Variants in CLSTN2 observed in about 807,000 individuals in gnomAD.
CLSTN2 encodes calsyntenin 2.
CLSTN2 carries 48 observed loss-of-function variants against 101.2 expected under a neutral mutation model. That is an observed-to-expected ratio of 0.47 (90% CI 0.38 to 0.60). CLSTN2 has a LOEUF of 0.60. Ranked by LOEUF, CLSTN2 falls within the 20% of genes least tolerant of loss-of-function variation. CLSTN2 has a pLI of 0.00. For missense variants in CLSTN2, 1,160 were observed against 1,238.2 expected, an observed-to-expected ratio of 0.94 and a Z score of 0.95; for synonymous variants, 481 against 463.6, an observed-to-expected ratio of 1.04 and a Z score of -0.48.
At chr3:140,305,611 T>G (rs997812033) in intron 2 of CLSTN2, among the ~76,000 whole-genome samples, 2 of 152,172 alleles carry the variant, frequency 1.3e-5, no homozygotes, top group African/African-American at 4.8e-5. Context: ...CTTTCCATCC[T>G]GGACAGCCAT....
intron 10 of CLSTN2, among the ~76,000 whole-genome samples, chr3:140,555,532 C>T (rs571355918): frequency 6.2e-4 from 94 of 152,156 alleles, no homozygotes; most frequent in African/African-American, 2.2e-3. Flanking sequence ...TACATTTGAA[C>T]CATGTGAATA....
chr3:140,161,169 A>G (rs746744234), intron 1 of CLSTN2, among the ~76,000 whole-genome samples: 1 of 152,136 alleles, frequency 6.6e-6, no homozygotes, highest in Non-Finnish European at 1.5e-5. Context: ...CCACTAGGAG[A>G]CATTGACACC....
At chr3:140,170,010 A>G (rs2010188332) in intron 1 of CLSTN2, among the ~76,000 whole-genome samples, 1 of 152,246 alleles carries the variant, frequency 6.6e-6, no homozygotes, top group Non-Finnish European at 1.5e-5. Context: ...TTGAGCTCAG[A>G]AGAAATTTTA....
At chr3:140,165,219 G>A (rs1346278078) in intron 1 of CLSTN2, among the ~76,000 whole-genome samples, 1 of 152,134 alleles carries the variant, frequency 6.6e-6, no homozygotes, top group African/African-American at 2.4e-5. Flanking sequence ...ATTAAGTGAT[G>A]GCAAATGTCA....
chr3:140,080,609 C>G (rs2008579340), intron 1 of CLSTN2, among the ~76,000 whole-genome samples: 1 of 152,174 alleles, frequency 6.6e-6, no homozygotes, highest in Admixed American at 6.5e-5. Flanking sequence ...TCCTGGGATT[C>G]TCTGCTTCCC....
chr3:140,403,170 C>G (rs529562286), intron 2 of CLSTN2, among the ~76,000 whole-genome samples: 1 of 152,328 alleles, frequency 6.6e-6, no homozygotes, highest in South Asian at 2.1e-4. Flanking sequence ...GTTAGCTTTT[C>G]AGGCTCCACA....
intron 2 of CLSTN2, among the ~76,000 whole-genome samples, chr3:140,350,786 C>T (rs1294224359): frequency 6.6e-6 from 1 of 152,080 alleles, no homozygotes; most frequent in Non-Finnish European, 1.5e-5. Flanking sequence ...AGCCTGGGGC[C>T]CCTAATGGTT....
Position 139,935,669 on chromosome 3 carries a change from C to T in CLSTN2, c.109+186C>T, listed in dbSNP as rs1025470714. 2.5e-4 allele frequency among the ~76,000 whole-genome samples: 38 copies of T among 152,180 alleles called. No individual in the cohort carries two copies. Among genetic ancestry groups the T allele is most frequent in the African/African-American group, 8.4e-4 (35 of 41,448 alleles). On this transcript the variant is annotated intron_variant, in intron 1 of 16. Coordinates refer to ENST00000458420, the MANE Select transcript of CLSTN2 (RefSeq NM_022131.3). This position sits in a 1 kb window ranked among gnomAD's most constrained non-coding sequence, Gnocchi z 5.5. ...GCAGCGGACCAGAGAGGTCCACCCG[C>T]GGACGTCAACTCAACCCCTGGGCGG... is the stretch of plus-strand genomic sequence containing the variant.
At chr3:140,389,623 A>T (rs981353135) in intron 2 of CLSTN2, among the ~76,000 whole-genome samples, 2 of 152,176 alleles carry the variant, frequency 1.3e-5, no homozygotes, top group East Asian at 1.9e-4. Flanking sequence ...TAATAGAATG[A>T]TTTATATTCC....
chr3:140,105,495 C>T (rs2009041546), intron 1 of CLSTN2, among the ~76,000 whole-genome samples: 1 of 152,242 alleles, frequency 6.6e-6, no homozygotes, highest in South Asian at 2.1e-4. Flanking sequence ...CTTCTCCCCT[C>T]CTCAGAGCAT....
At chr3:140,167,808 C>CT (rs1559796169) in intron 1 of CLSTN2, among the ~76,000 whole-genome samples, 1 of 152,106 alleles carries the variant, frequency 6.6e-6, no homozygotes, top group East Asian at 1.9e-4. Flanking sequence ...AGCATGCAGT[C>CT]TTTTTTGTCT....
At chr3:140,548,840 A>G (rs1305602114) in intron 10 of CLSTN2, among the ~76,000 whole-genome samples, 3 of 152,172 alleles carry the variant, frequency 2.0e-5, no homozygotes, top group South Asian at 2.1e-4. Flanking sequence ...GCAAGGGAGC[A>G]TGATCTCAGC....
intron 2 of CLSTN2, among the ~76,000 whole-genome samples, chr3:140,207,544 G>A (rs1363473323): frequency 2.0e-5 from 3 of 152,152 alleles, no homozygotes; most frequent in Admixed American, 2.0e-4. Flanking sequence ...TGACATTTGT[G>A]AACATGCTTC....
intron 1 of CLSTN2, among the ~76,000 whole-genome samples, chr3:140,118,524 G>A (rs577865460): frequency 2.5e-4 from 38 of 152,266 alleles, no homozygotes; most frequent in African/African-American, 7.7e-4. Context: ...TTCTTTCACT[G>A]TCGACAGTGG....
At chr3:140,123,906 C>A (rs778307834) in intron 1 of CLSTN2, among the ~76,000 whole-genome samples, 2 of 151,924 alleles carry the variant, frequency 1.3e-5, no homozygotes, top group Non-Finnish European at 2.9e-5. Flanking sequence ...CAGATTAGAA[C>A]TCTACCCTCA....
rs1196331120 is a variant in CLSTN2, at chr3:140,361,205, A to G, written c.233-42424A>G. On this transcript the variant is annotated intron_variant, in intron 2 of 16. Transcript: ENST00000458420. Reference sequence around the variant, plus strand: ...AAACCAAATACTGGGTTAACATCCGATAATCAATGTAATACACCATCTTCT... The same window carrying G: ...AAACCAAATACTGGGTTAACATCCGGTAATCAATGTAATACACCATCTTCT... 7.9e-5 allele frequency among the ~76,000 whole-genome samples: 12 copies of G among 152,226 alleles called. No homozygotes were observed. The East Asian group carries it at 2.3e-3, about 29-fold the overall frequency.
chr3:140,090,033 G>A (rs1349595015), intron 1 of CLSTN2, among the ~76,000 whole-genome samples: 3 of 143,606 alleles, frequency 2.1e-5, no homozygotes, highest in African/African-American at 5.2e-5. Flanking sequence ...TTTAGGGTGA[G>A]GGGGCTTATT....
At chr3:140,057,727 A>T (rs1194705279) in intron 1 of CLSTN2, among the ~76,000 whole-genome samples, 1 of 152,182 alleles carries the variant, frequency 6.6e-6, no homozygotes, top group African/African-American at 2.4e-5. Flanking sequence ...AAAATATGCC[A>T]CCTCCCAAAA....
At chr3:140,444,426 G>A (rs1433907533) in intron 5 of CLSTN2, among the ~76,000 whole-genome samples, 11 of 105,416 alleles carry the variant, frequency 1.0e-4, no homozygotes, top group Admixed American at 2.2e-4. Context: ...GCAAAACTCC[G>A]TCTCAAAAAA....
Sources: allele counts gnomAD v4.1 joint callset (sites outside exome capture counted in the v4.1 genomes callset), GRCh38; gene constraint gnomAD v4.1.1; non-coding constraint Gnocchi (gnomAD v3.1); transcripts MANE v1.5; gene names NCBI Gene and HGNC (gene_info 2026-07-23, HGNC 2026-07-21).